SLC9A9: variants seen among roughly 807,000 people sequenced by gnomAD.
The protein encoded by SLC9A9 is solute carrier family 9 member A9.
In SLC9A9, 62 loss-of-function variants were observed where a neutral mutation model predicts 77.8. That is an observed-to-expected ratio of 0.80 (90% CI 0.65 to 0.98). The LOEUF (loss-of-function observed/expected upper bound fraction) is 0.98. Ranked by LOEUF, SLC9A9 falls within the 50% of genes least tolerant of loss-of-function variation. The pLI is 0.00. For synonymous variants in SLC9A9, 320 were observed against 283.5 expected (o/e 1.13, Z -1.29); for missense variants, 775 against 774.9 (o/e 1.00, Z 0.00).
chr3:143,833,918 G>A (rs551786167), intron 1 of SLC9A9, among the ~76,000 whole-genome samples: 1 of 152,154 alleles, frequency 6.6e-6, no homozygotes, highest in Non-Finnish European at 1.5e-5. Context: ...TCTAGACCTA[G>A]ACCATAGGCA....
chr3:143,339,065 A>C (rs2108461558), intron 14 of SLC9A9, among the ~76,000 whole-genome samples: 1 of 152,304 alleles, frequency 6.6e-6, no homozygotes, highest in South Asian at 2.1e-4. Context: ...CTATAATTTA[A>C]ATCTTATTTC....
rs149348492 is a variant in SLC9A9 at position 143,723,519 on chromosome 3, T to G, written c.534-30212A>C. Among the ~76,000 whole-genome samples, 92 of 152,266 alleles carry G rather than the reference T, an allele frequency of 6.0e-4. No individual in the cohort carries two copies. In the East Asian group the frequency reaches 0.015, roughly 25 times the overall value. On this transcript the variant is annotated intron_variant, in intron 4 of 15. Coordinates refer to ENST00000316549, the MANE Select transcript of SLC9A9 (RefSeq NM_173653.4). Reference sequence around the variant, plus strand: ...ATATTTTACATGTTAATTCAAAGGATGACACAGTTTTTAGCCAGAAGGCAA... The same window carrying G: ...ATATTTTACATGTTAATTCAAAGGAGGACACAGTTTTTAGCCAGAAGGCAA...
intron 13 of SLC9A9, among the ~76,000 whole-genome samples, chr3:143,368,051 C>G (rs934962955): frequency 6.6e-6 from 1 of 152,124 alleles, no homozygotes; most frequent in Admixed American, 6.5e-5. Flanking sequence ...ATACTCTAAG[C>G]AGCAGAATGT....
At chr3:143,785,691 G>A (rs2166775) in intron 4 of SLC9A9, among the ~76,000 whole-genome samples, 84,070 of 151,792 alleles carry the variant, frequency 0.55, 25,753 homozygotes, top group African/African-American at 0.81. Flanking sequence ...GAGTTGATGT[G>A]TGTGAGCGTG....
rs148781200 is a variant in SLC9A9 at position 143,714,184 on chromosome 3, A to C, written c.534-20877T>G. 8.5e-5 allele frequency among the ~76,000 whole-genome samples: 13 copies of C among 152,320 alleles called. No individual in the cohort carries two copies. The East Asian group carries it at 2.5e-3, about 29-fold the overall frequency. ...TGCTTTCCCAGATGACCATACAGAA[A>C]GTCTAGCAGCCTCTCTATCACATTT... On this transcript the variant is annotated intron_variant, in intron 4 of 15. Coordinates refer to ENST00000316549, the MANE Select transcript of SLC9A9 (RefSeq NM_173653.4).
intron 2 of SLC9A9, among the ~76,000 whole-genome samples, chr3:143,805,963 C>T (rs931496451): frequency 6.6e-6 from 1 of 152,164 alleles, no homozygotes; most frequent in Non-Finnish European, 1.5e-5. Flanking sequence ...CAATATCTAT[C>T]TGCTCTTTGC....
At chr3:143,274,508 G>C in intron 14 of SLC9A9, among the ~76,000 whole-genome samples, 1 of 152,152 alleles carries the variant, frequency 6.6e-6, no homozygotes, top group Non-Finnish European at 1.5e-5. Flanking sequence ...TGGATTTGTA[G>C]CATTTCCCAA....
intron 11 of SLC9A9, among the ~76,000 whole-genome samples, chr3:143,474,975 T>C (rs1311619292): frequency 6.6e-6 from 1 of 151,034 alleles, no homozygotes; most frequent in Admixed American, 6.6e-5. Flanking sequence ...TTTTTTTTTT[T>C]TGAGACAGAG....
chr3:143,679,107 T>TA (rs5853122), intron 5 of SLC9A9, among the ~76,000 whole-genome samples: 103,558 of 150,194 alleles, frequency 0.69, 36,471 homozygotes, highest in Non-Finnish European at 0.76. Flanking sequence ...CACACAGCAG[T>TA]AAAAAAAAGC....
chr3:143,471,151 C>T (rs1185234209), intron 11 of SLC9A9, among the ~76,000 whole-genome samples: 6 of 152,216 alleles, frequency 3.9e-5, no homozygotes, highest in Non-Finnish European at 8.8e-5. Flanking sequence ...GCCCTGGTAA[C>T]ATGTGGCACG....
intron 6 of SLC9A9, among the ~76,000 whole-genome samples, chr3:143,626,126 G>C (rs1276698728): frequency 1.3e-5 from 2 of 152,218 alleles, no homozygotes; most frequent in Non-Finnish European, 2.9e-5. Flanking sequence ...ACAGGTGCTG[G>C]AGAGGATGTG....
intron 2 of SLC9A9, among the ~76,000 whole-genome samples, chr3:143,818,124 C>T (rs2009069645): frequency 6.6e-6 from 1 of 152,120 alleles, no homozygotes; most frequent in African/African-American, 2.4e-5. Context: ...AGATAAAATA[C>T]TTTCTTGTCA....
At chr3:143,616,611 C>T (rs943654234) in intron 6 of SLC9A9, among the ~76,000 whole-genome samples, 7 of 152,074 alleles carry the variant, frequency 4.6e-5, no homozygotes, top group African/African-American at 9.7e-5. Flanking sequence ...ATCATGATGC[C>T]GAGCTGACTT....
chr3:143,815,834 C>T (rs1394712110), intron 2 of SLC9A9, among the ~76,000 whole-genome samples: 1 of 152,040 alleles, frequency 6.6e-6, no homozygotes, highest in Non-Finnish European at 1.5e-5. Context: ...CCACTGCACT[C>T]CAGCCTGGTG....
chr3:143,700,106 T>A (rs1052920958), intron 4 of SLC9A9, among the ~76,000 whole-genome samples: 2 of 151,006 alleles, frequency 1.3e-5, no homozygotes, highest in Non-Finnish European at 3.0e-5. Context: ...CCCACTGCCT[T>A]AAAGGGAAGG....
chr3:143,621,950 G>T (rs1382743990), intron 6 of SLC9A9, among the ~76,000 whole-genome samples: 1 of 152,144 alleles, frequency 6.6e-6, no homozygotes, highest in Non-Finnish European at 1.5e-5. Context: ...ACCAAGGCAC[G>T]AGAACTACAT....
intron 2 of SLC9A9, among the ~76,000 whole-genome samples, chr3:143,808,746 C>T (rs1338127789): frequency 6.6e-6 from 1 of 152,126 alleles, no homozygotes; most frequent in Non-Finnish European, 1.5e-5. Flanking sequence ...CTCTGTCCTT[C>T]AGTTTTCTCA....
chr3:143,456,573 T>C (rs1342646950), intron 12 of SLC9A9, among the ~76,000 whole-genome samples: 1 of 151,794 alleles, frequency 6.6e-6, no homozygotes, highest in Non-Finnish European at 1.5e-5. Context: ...TCTTTCTTTT[T>C]TTTTTTTTTG....
intron 12 of SLC9A9, among the ~76,000 whole-genome samples, chr3:143,466,041 G>A (rs556545391): frequency 6.6e-6 from 1 of 152,280 alleles, no homozygotes; most frequent in South Asian, 2.1e-4. Flanking sequence ...ATTTGTGGTT[G>A]TATTCATTTA....
Sources: gnomAD v4.1 joint callset for allele counts (sites outside exome capture counted in the v4.1 genomes callset) on GRCh38, gnomAD v4.1.1 for gene constraint, MANE v1.5 for transcripts, NCBI Gene and HGNC (gene_info 2026-07-23, HGNC 2026-07-21) for gene names.